Variants in CCDC85A observed in about 807,000 individuals in gnomAD.
The protein encoded by CCDC85A is coiled-coil domain containing 85A, also known as coiled-coil domain-containing protein 85A.
In CCDC85A, 38 loss-of-function variants were observed where a neutral mutation model predicts 50.2. That is an observed-to-expected ratio of 0.76 (90% CI 0.58 to 0.99). CCDC85A has a LOEUF of 0.99. CCDC85A is among the 50% of genes least tolerant of loss of function. CCDC85A has a pLI of 0.00. For synonymous variants in CCDC85A, 366 were observed against 301.4 expected (o/e 1.21, Z -2.22); for missense variants, 820 against 742.0 (o/e 1.11, Z -1.22).
In CCDC85A at chr2:56,382,397, C is replaced by T. The variant is rs144078398; in HGVS notation, c.1573-1869C>T. On this transcript the variant is annotated intron_variant, in intron 5 of 5. Transcript: ENST00000407595. ...TTAGATGTTGTTGACATCTACACAGCGAAAAGGTTATTATTCATATTACCA... is the reference window on the plus strand; with the variant it reads ...TTAGATGTTGTTGACATCTACACAGTGAAAAGGTTATTATTCATATTACCA... Among the ~76,000 whole-genome samples the T allele has an allele frequency of 1.7e-3, 258 of 152,018 alleles. 1 individual carries two copies. The highest frequency in any genetic ancestry group is 5.2e-3 in the African/African-American group (214 of 41,502).
At chr2:56,264,989 G>A (rs1409616856) in intron 2 of CCDC85A, among the ~76,000 whole-genome samples, 2 of 152,172 alleles carry the variant, frequency 1.3e-5, no homozygotes, top group Non-Finnish European at 2.9e-5. Context: ...GGACTTGCCT[G>A]TGTAAAATAA....
chr2:56,184,888 C>T lies in CCDC85A; in HGVS notation c.264C>T (p.Ile88=). The T allele has an allele frequency of 2.0e-6, 3 of 1,520,310 alleles. No homozygotes were observed. The highest frequency in any genetic ancestry group is 2.6e-6 in the Non-Finnish European group (3 of 1,137,704). 94.2% of individuals were successfully genotyped at this position (1,520,310 alleles called of 1,614,324 possible). The part of the protein sequence containing the change: ...NRRLQLHLGE[I]RGLKDINQKL... ...GCCTGCAGCTGCACCTCGGCGAGAT[C>T]CGCGGCCTCAAGGTGAGCGCGGGCC... Residue 88 remains isoleucine, a synonymous_variant, in exon 1 of 6, where the codon ATC becomes ATT. Coordinates refer to ENST00000407595, the MANE Select transcript of CCDC85A (RefSeq NM_001080433.2).
intron 2 of CCDC85A, among the ~76,000 whole-genome samples, chr2:56,290,966 A>G (rs1009213188): frequency 6.6e-6 from 1 of 152,246 alleles, no homozygotes; most frequent in African/African-American, 2.4e-5. Context: ...CAAAACCAGA[A>G]AAAGAAAAAA....
intron 2 of CCDC85A, among the ~76,000 whole-genome samples, chr2:56,228,554 A>G (rs1668640009): frequency 6.7e-6 from 1 of 150,040 alleles, no homozygotes; most frequent in African/African-American, 2.5e-5. Context: ...TTTTTTTGAG[A>G]CAGAGTTTCG....
At chr2:56,295,031 C>G (rs1671884566) in intron 2 of CCDC85A, among the ~76,000 whole-genome samples, 1 of 152,158 alleles carries the variant, frequency 6.6e-6, no homozygotes, top group Admixed American at 6.6e-5. Flanking sequence ...AGAATCAAAA[C>G]ATTGTGTTTA....
intron 2 of CCDC85A, among the ~76,000 whole-genome samples, chr2:56,314,504 A>G (rs1285924895): frequency 6.6e-6 from 1 of 152,110 alleles, no homozygotes; most frequent in African/African-American, 2.4e-5. Context: ...GAAGTGCTGC[A>G]TAGTGTATGT....
chr2:56,326,806 A>C (rs1673494961), intron 2 of CCDC85A, among the ~76,000 whole-genome samples: 1 of 152,078 alleles, frequency 6.6e-6, no homozygotes, highest in Non-Finnish European at 1.5e-5. Flanking sequence ...GGCATCAAGT[A>C]ATATTCCTTT....
chr2:56,253,018 C>CA (rs1443481865), intron 2 of CCDC85A, among the ~76,000 whole-genome samples: 3 of 130,654 alleles, frequency 2.3e-5, no homozygotes, highest in African/African-American at 5.4e-5. Context: ...GACTCCATCT[C>CA]AAAATAAATA....
chr2:56,350,444 GC>G (rs1558653727), intron 3 of CCDC85A, among the ~76,000 whole-genome samples: 7 of 152,278 alleles, frequency 4.6e-5, no homozygotes, highest in Non-Finnish European at 1.0e-4. Flanking sequence ...GGTGGCAAAT[GC>G]CTGTAATCCA....
chr2:56,322,549 A>G (rs1673257416), intron 2 of CCDC85A, among the ~76,000 whole-genome samples: 1 of 152,236 alleles, frequency 6.6e-6, no homozygotes, highest in African/African-American at 2.4e-5. Flanking sequence ...AAAAATGCTC[A>G]TCATCACGGG....
chr2:56,225,892 T>C (rs1336712974), intron 2 of CCDC85A, among the ~76,000 whole-genome samples: 1 of 152,216 alleles, frequency 6.6e-6, no homozygotes, highest in Non-Finnish European at 1.5e-5. Context: ...CCTTCTGTTA[T>C]ATAAAGATGC....
At chr2:56,383,981 A>G (rs1676711730) in intron 5 of CCDC85A, among the ~76,000 whole-genome samples, 1 of 151,908 alleles carries the variant, frequency 6.6e-6, no homozygotes, top group Non-Finnish European at 1.5e-5. Context: ...CTTAGTGTGC[A>G]GTCAGAGTTG....
chr2:56,255,626 G>T (rs1375841699), intron 2 of CCDC85A, among the ~76,000 whole-genome samples: 1 of 152,160 alleles, frequency 6.6e-6, no homozygotes, highest in Non-Finnish European at 1.5e-5. Flanking sequence ...TGCCCTACAC[G>T]TTAAAGAAGA....
intron 3 of CCDC85A, among the ~76,000 whole-genome samples, chr2:56,371,307 G>A (rs1210583072): frequency 6.6e-6 from 1 of 152,000 alleles, no homozygotes; most frequent in Non-Finnish European, 1.5e-5. Flanking sequence ...AGACCATGGT[G>A]CATTTTCTTT....
chr2:56,248,517 C>T (rs1305853912), intron 2 of CCDC85A, among the ~76,000 whole-genome samples: 1 of 152,124 alleles, frequency 6.6e-6, no homozygotes, highest in African/African-American at 2.4e-5. Context: ...CACTCAAAGT[C>T]CCTGGCATCC....
intron 5 of CCDC85A, among the ~76,000 whole-genome samples, chr2:56,382,020 C>A (rs1573381094): frequency 6.6e-6 from 1 of 151,806 alleles, no homozygotes; most frequent in East Asian, 1.9e-4. Flanking sequence ...TGTCTTTGAT[C>A]CCCAGAATTT....
chr2:56,265,272 A>G (rs1670388236), intron 2 of CCDC85A, among the ~76,000 whole-genome samples: 1 of 152,208 alleles, frequency 6.6e-6, no homozygotes, highest in Non-Finnish European at 1.5e-5. Context: ...TAGTTGAACA[A>G]ACTAACTAGA....
chr2:56,383,130 G>T (rs1676668453), intron 5 of CCDC85A, among the ~76,000 whole-genome samples: 1 of 151,956 alleles, frequency 6.6e-6, no homozygotes. Context: ...GAGGCATTGA[G>T]ATTAACAGTT....
At chr2:56,268,365 G>A (rs1450182485) in intron 2 of CCDC85A, among the ~76,000 whole-genome samples, 1 of 152,080 alleles carries the variant, frequency 6.6e-6, no homozygotes, top group African/African-American at 2.4e-5. Context: ...TGGGAGGCCA[G>A]CACTTTGGGC....
Sources: allele counts gnomAD v4.1 joint callset (sites outside exome capture counted in the v4.1 genomes callset), GRCh38; gene constraint gnomAD v4.1.1; transcripts MANE v1.5; gene names NCBI Gene and HGNC (gene_info 2026-07-23, HGNC 2026-07-21).